GNA12: variants seen among roughly 807,000 people sequenced by gnomAD.
GNA12 encodes the protein guanine nucleotide-binding protein subunit alpha-12.
A neutral mutation model predicts 26.0 loss-of-function variants in GNA12; 9 were observed. The observed-to-expected ratio is 0.35, with a 90% confidence interval of 0.21 to 0.60. GNA12 has a LOEUF of 0.60. GNA12 is among the 20% of genes least tolerant of loss of function. GNA12 has a pLI of 0.78. For missense variants in GNA12, 405 were observed against 525.8 expected (o/e 0.77, Z 2.25); for synonymous variants, 264 against 219.6 (o/e 1.20, Z -1.79).
intron 2 of GNA12, among the ~76,000 whole-genome samples, chr7:2,740,804 G>C (rs1790460583): frequency 6.6e-6 from 1 of 152,200 alleles, no homozygotes; most frequent in Non-Finnish European, 1.5e-5. Context: ...CAGCACTTTG[G>C]GAGGCCGAGG....
intron 2 of GNA12, among the ~76,000 whole-genome samples, chr7:2,781,099 C>G (rs538530655): frequency 1.3e-5 from 2 of 152,160 alleles, no homozygotes; most frequent in Admixed American, 1.3e-4. Context: ...TATTGAAAGC[C>G]GTAACTCATA....
chr7:2,746,310 T>G (rs1269761146), intron 2 of GNA12, among the ~76,000 whole-genome samples: 2 of 152,000 alleles, frequency 1.3e-5, no homozygotes, highest in African/African-American at 2.4e-5. Flanking sequence ...GAACAGAAAT[T>G]ATAACAAACT....
chr7:2,795,400 G>C lies in GNA12; in HGVS notation c.310-257C>G, dbSNP rs80310230. On this transcript the variant is annotated intron_variant, in intron 1 of 3. Coordinates refer to ENST00000275364, the MANE Select transcript of GNA12 (RefSeq NM_007353.3). ...TGAGCCTCCCCTTTGGGAGGCCAAA[G>C]AGGGAGGACTGCTGGAACACAGGAG... 1.6e-3 allele frequency among the ~76,000 whole-genome samples: 245 copies of C among 152,252 alleles called. 5 individuals are homozygous for C. In the East Asian group the frequency reaches 0.043, roughly 27 times the overall value.
At chr7:2,742,391 T>G (rs1313215861) in intron 2 of GNA12, among the ~76,000 whole-genome samples, 1 of 152,312 alleles carries the variant, frequency 6.6e-6, no homozygotes, top group East Asian at 1.9e-4. Context: ...GTGTTTAACA[T>G]GACAGTTTCG....
intron 1 of GNA12, among the ~76,000 whole-genome samples, chr7:2,821,494 G>A (rs1793369289): frequency 6.6e-6 from 1 of 152,174 alleles, no homozygotes; most frequent in South Asian, 2.1e-4. Context: ...CATCCACTCA[G>A]GAAACTCCCC....
intron 2 of GNA12, among the ~76,000 whole-genome samples, chr7:2,793,159 T>C (rs992042812): frequency 4.6e-5 from 7 of 152,206 alleles, no homozygotes; most frequent in African/African-American, 1.7e-4. Context: ...GCCAGTGCTC[T>C]GGACATGTCA....
At chr7:2,743,280 G>A (rs1790600361) in intron 2 of GNA12, among the ~76,000 whole-genome samples, 2 of 152,178 alleles carry the variant, frequency 1.3e-5, no homozygotes, top group South Asian at 4.1e-4. Context: ...CAAGTTAAAT[G>A]TCTGCTAAAG....
At chr7:2,796,628 G>A (rs1330420191) in intron 1 of GNA12, among the ~76,000 whole-genome samples, 1 of 152,124 alleles carries the variant, frequency 6.6e-6, no homozygotes, top group East Asian at 1.9e-4. Flanking sequence ...CCACCAAAAC[G>A]GGAGCCAGGG....
intron 1 of GNA12, among the ~76,000 whole-genome samples, chr7:2,804,375 G>A (rs1232971695): frequency 6.6e-6 from 1 of 152,208 alleles, no homozygotes; most frequent in Non-Finnish European, 1.5e-5. Flanking sequence ...GTGTGTGTAT[G>A]CGTAAACCCA....
intron 1 of GNA12, among the ~76,000 whole-genome samples, chr7:2,813,721 G>C (rs1374757250): frequency 1.3e-5 from 2 of 152,214 alleles, no homozygotes; most frequent in African/African-American, 4.8e-5. Context: ...AGGAGATCTG[G>C]GAATCTGGGG....
intron 1 of GNA12, among the ~76,000 whole-genome samples, chr7:2,807,465 G>A (rs964005543): frequency 2.0e-5 from 3 of 151,946 alleles, no homozygotes; most frequent in African/African-American, 7.3e-5. Context: ...TTTAGCCTGA[G>A]TTCTTAGAAG....
chr7:2,817,451 A>G (rs1010734254), intron 1 of GNA12, among the ~76,000 whole-genome samples: 2 of 152,100 alleles, frequency 1.3e-5, no homozygotes, highest in Non-Finnish European at 2.9e-5. Flanking sequence ...CACAGCCTGC[A>G]AGACTGTATA....
rs538873382 is a variant in GNA12, at chr7:2,754,141, C to G, written c.526-20640G>C. On this transcript the variant is annotated intron_variant, in intron 2 of 3. Transcript: ENST00000275364. ...TCCTCACCAGCATTTGTTATTTTCACTATTTTCTATTGTATCTGTGTTAAT... is the reference window on the plus strand; with the variant it reads ...TCCTCACCAGCATTTGTTATTTTCAGTATTTTCTATTGTATCTGTGTTAAT... 2.6e-5 allele frequency among the ~76,000 whole-genome samples: 4 copies of G among 152,256 alleles called. No homozygotes were observed. The South Asian group carries it at 8.3e-4, about 32-fold the overall frequency.
chr7:2,835,966 A>C, intron 1 of GNA12: 1 of 503,166 alleles, frequency 2.0e-6, no homozygotes, highest in Admixed American at 2.7e-5. Context: ...AGCAGATTTG[A>C]AAGTTCAGTT....
intron 2 of GNA12, among the ~76,000 whole-genome samples, chr7:2,757,129 C>CTT (rs71026549): frequency 4.3e-3 from 405 of 93,884 alleles, no homozygotes; most frequent in East Asian, 5.3e-3. Flanking sequence ...TCAGGTGGGC[C>CTT]TTTTTTTTTT....
intron 2 of GNA12, among the ~76,000 whole-genome samples, chr7:2,792,214 G>C (rs1792538173): frequency 6.6e-6 from 1 of 152,190 alleles, no homozygotes. Flanking sequence ...TCACACAGTA[G>C]GTGATCCATG....
chr7:2,775,952 G>C (rs1196496823), intron 2 of GNA12, among the ~76,000 whole-genome samples: 1 of 152,264 alleles, frequency 6.6e-6, no homozygotes. Flanking sequence ...CTGCCAGCTG[G>C]AGAGACAGAA....
At chr7:2,790,155 T>A (rs571645970) in intron 2 of GNA12, among the ~76,000 whole-genome samples, 1 of 152,294 alleles carries the variant, frequency 6.6e-6, no homozygotes, top group African/African-American at 2.4e-5. Context: ...CTACCTGCCT[T>A]TAGAAAAGTC....
intron 1 of GNA12, among the ~76,000 whole-genome samples, chr7:2,832,259 C>T (rs992072444): frequency 6.6e-6 from 1 of 152,220 alleles, no homozygotes; most frequent in Non-Finnish European, 1.5e-5. Flanking sequence ...GTTGTGTTTC[C>T]TGTCCCCAGA....
Sources: gnomAD v4.1 joint callset for allele counts (sites outside exome capture counted in the v4.1 genomes callset) on GRCh38, gnomAD v4.1.1 for gene constraint, MANE v1.5 for transcripts, NCBI Gene and HGNC (gene_info 2026-07-23, HGNC 2026-07-21) for gene names.